PRMT9: variants seen among roughly 807,000 people sequenced by gnomAD.
PRMT9 encodes the protein protein arginine N-methyltransferase 9.
PRMT9 carries 59 observed loss-of-function variants against 83.2 expected under a neutral mutation model. The observed-to-expected ratio is 0.71, with a 90% CI of 0.57 to 0.88. The LOEUF is 0.88. Among genes scored for constraint, PRMT9 ranks in the 40% least tolerant of loss-of-function variants. The pLI, the probability that PRMT9 is intolerant of heterozygous loss-of-function variation, is 0.00. For synonymous variants in PRMT9, 333 were observed against 353.2 expected (o/e 0.94, Z 0.64); for missense variants, 947 against 1,021.9 (o/e 0.93, Z 1.00).
chr4:147,650,939 A>C (rs1041035031), intron 9 of PRMT9, among the ~76,000 whole-genome samples: 4 of 152,280 alleles, frequency 2.6e-5, no homozygotes, highest in African/African-American at 9.6e-5. Flanking sequence ...CGTCTCTATT[A>C]AAAATACAAA....
At chr4:147,676,524 T>A (rs947617648) in intron 2 of PRMT9, among the ~76,000 whole-genome samples, 2 of 152,218 alleles carry the variant, frequency 1.3e-5, no homozygotes, top group Non-Finnish European at 2.9e-5. Context: ...AGGTTAGCTG[T>A]TAACATGAAC....
intron 9 of PRMT9, among the ~76,000 whole-genome samples, chr4:147,648,403 C>T (rs1733872100): frequency 6.6e-6 from 1 of 152,226 alleles, no homozygotes; most frequent in African/African-American, 2.4e-5. Context: ...TAGCTGAACA[C>T]ATGGAGGTTC....
At chr4:147,645,876 A>C (rs1733695823) in intron 9 of PRMT9, among the ~76,000 whole-genome samples, 1 of 152,176 alleles carries the variant, frequency 6.6e-6, no homozygotes, top group Non-Finnish European at 1.5e-5. Flanking sequence ...GAACCAGGAT[A>C]ATCTCTCTTT....
chr4:147,641,051 CCACTTT>C (rs1396076023), intron 10 of PRMT9, among the ~76,000 whole-genome samples: 1 of 152,132 alleles, frequency 6.6e-6, no homozygotes, highest in East Asian at 1.9e-4. Context: ...CATTTTTGCA[CCACTTT>C]CACTGCTACC....
chr4:147,671,829 C>T (rs1210968092), intron 4 of PRMT9: 1 of 455,624 alleles, frequency 2.2e-6, no homozygotes, highest in Admixed American at 2.4e-5. Context: ...AACTTTGATT[C>T]ATGCTGACTC....
rs1345702560 is a variant in PRMT9 at position 147,657,534 on chromosome 4, A to T, written c.1330+258T>A. On this transcript the variant is annotated intron_variant, in intron 8 of 11. Transcript: ENST00000322396. The stretch of plus-strand genomic sequence containing the variant: ...GCGAGACTCTGTCGTTAAAAAAAAA[A>T]AAAGAAAAAAGAAAAATCAGAGCTG... Among the ~76,000 whole-genome samples, 3 of 152,138 alleles carry T rather than the reference A, an allele frequency of 2.0e-5. No individual in the cohort carries two copies. The East Asian group carries it at 5.8e-4, about 29-fold the overall frequency.
At chr4:147,672,178 T>C in intron 4 of PRMT9, 1 of 250,842 alleles carries the variant, frequency 4.0e-6, no homozygotes, top group East Asian at 1.1e-4. Flanking sequence ...TGAGAATAAA[T>C]GTAGAGACGA....
At chr4:147,658,479 T>C (rs1734698248) in intron 7 of PRMT9, among the ~76,000 whole-genome samples, 1 of 152,198 alleles carries the variant, frequency 6.6e-6, no homozygotes. Flanking sequence ...AGAAAAATAC[T>C]AGGACTTTTT....
chr4:147,658,633 T>G (rs1030886089), intron 7 of PRMT9, among the ~76,000 whole-genome samples: 1 of 152,140 alleles, frequency 6.6e-6, no homozygotes, highest in African/African-American at 2.4e-5. Context: ...CGGGGGTAAA[T>G]GGCAGCTACA....
At chr4:147,672,485 T>A (rs2126630853) in intron 4 of PRMT9, among the ~76,000 whole-genome samples, 1 of 152,372 alleles carries the variant, frequency 6.6e-6, no homozygotes, top group East Asian at 1.9e-4. Flanking sequence ...AAGCCAAGAC[T>A]TATATGACTT....
At chr4:147,648,226 G>A (rs550856102) in intron 9 of PRMT9, among the ~76,000 whole-genome samples, 1 of 152,248 alleles carries the variant, frequency 6.6e-6, no homozygotes, top group South Asian at 2.1e-4. Flanking sequence ...AAAAGACCAT[G>A]GCAAGATTAG....
intron 9 of PRMT9, among the ~76,000 whole-genome samples, chr4:147,652,874 GC>G (rs1213482795): frequency 6.6e-6 from 1 of 152,134 alleles, no homozygotes; most frequent in Non-Finnish European, 1.5e-5. Context: ...GTTAGTGAGA[GC>G]CAGGCTGTTA....
At chr4:147,663,244 A>G (rs187258660) in intron 6 of PRMT9, among the ~76,000 whole-genome samples, 3 of 152,006 alleles carry the variant, frequency 2.0e-5, no homozygotes, top group Non-Finnish European at 2.9e-5. Context: ...TCCTGGCCTC[A>G]TGATCCGCCC....
intron 2 of PRMT9, among the ~76,000 whole-genome samples, chr4:147,678,561 G>A (rs577123527): frequency 5.3e-5 from 8 of 152,296 alleles, no homozygotes; most frequent in African/African-American, 1.7e-4. Flanking sequence ...CTGGCATCTG[G>A]GAATTTGGAT....
chr4:147,680,761 C>T (rs148948651), intron 1 of PRMT9, among the ~76,000 whole-genome samples: 2 of 152,320 alleles, frequency 1.3e-5, no homozygotes, highest in Non-Finnish European at 2.9e-5. Flanking sequence ...TCACTTTTGT[C>T]GGCTCCTGTG....
At position 147,639,075 on chromosome 4, in the gene PRMT9, A is replaced by AT; in HGVS notation, c.2206dup (p.Ile736AsnfsTer35). The AT allele has an allele frequency of 6.2e-7, 1 of 1,613,372 alleles. No homozygotes were observed. Among genetic ancestry groups the AT allele is most frequent in the Non-Finnish European group, 8.5e-7 (1 of 1,179,456 alleles). ...TGAGGATAGGTCCAAAAATACACGT[A>AT]TAGGTACCTAGAGAAAGTATAAATT... On this transcript the variant is annotated frameshift_variant, in exon 11 of 12. Transcript: ENST00000322396. LOFTEE classifies it high-confidence loss of function.
chr4:147,662,806 CA>C (rs1310397145), intron 6 of PRMT9, among the ~76,000 whole-genome samples: 1 of 150,192 alleles, frequency 6.7e-6, no homozygotes, highest in Admixed American at 6.6e-5. Context: ...CTCAAAAAAA[CA>C]AAAAAAACAA....
chr4:147,653,341 C>G (rs1316063945), intron 9 of PRMT9, among the ~76,000 whole-genome samples: 1 of 151,812 alleles, frequency 6.6e-6, no homozygotes, highest in Admixed American at 6.6e-5. Context: ...ACTTGGGAAG[C>G]TGAGGCAGGA....
chr4:147,652,705 C>T lies in PRMT9; in HGVS notation c.2045+1147G>A, dbSNP rs189805663. ...CACCAGACCCCATTCTACCCTACCC[C>T]GTGTCTAAAAAAAAAAAACGAAAAA... On this transcript the variant is annotated intron_variant, in intron 9 of 11. Coordinates refer to ENST00000322396, the MANE Select transcript of PRMT9 (RefSeq NM_138364.4). Among the ~76,000 whole-genome samples, 43 of 135,448 alleles carry T rather than the reference C, an allele frequency of 3.2e-4. No individual in the cohort carries two copies. In the East Asian group the frequency reaches 6.6e-3, roughly 21 times the overall value. 88.9% of individuals were successfully genotyped at this position (135,448 alleles called of 152,430 possible). A position where few individuals can be genotyped will look rare whatever the true frequency, so the allele number is the denominator to read the frequency against.
Sources: gnomAD v4.1 joint callset for allele counts (sites outside exome capture counted in the v4.1 genomes callset) on GRCh38, gnomAD v4.1.1 for gene constraint, MANE v1.5 for transcripts, NCBI Gene and HGNC (gene_info 2026-07-23, HGNC 2026-07-21) for gene names.